Variants in LARGE1 observed in about 807,000 individuals in gnomAD.
LARGE1 encodes the protein LARGE xylosyl- and glucuronyltransferase 1, also known as xylosyl- and glucuronyltransferase LARGE1.
A neutral mutation model predicts 87.6 loss-of-function variants in LARGE1; 43 were observed. That is an observed-to-expected ratio of 0.49 (90% CI 0.38 to 0.63). LARGE1 has a LOEUF of 0.63. Among genes scored for constraint, LARGE1 ranks in the 30% least tolerant of loss-of-function variants. The pLI, the probability that LARGE1 is intolerant of heterozygous loss-of-function variation, is 0.00. For missense variants in LARGE1, 802 were observed against 1,000.2 expected, an observed-to-expected ratio of 0.80 and a Z score of 2.67; for synonymous variants, 434 against 394.6, an observed-to-expected ratio of 1.10 and a Z score of -1.18.
rs541120289 is a variant in LARGE1 at position 33,191,009 on chromosome 22, T to C, written c.1731-24177A>G. On this transcript the variant is annotated intron_variant, in intron 11 of 11. Transcript: ENST00000608642. Reference sequence around the variant, plus strand: ...CCTTAGCATTATGAATTGTAATTTTTCTTTTTAAACACCTGTTTCCTTGAC... The same window carrying C: ...CCTTAGCATTATGAATTGTAATTTTCCTTTTTAAACACCTGTTTCCTTGAC... 2.0e-5 allele frequency among the ~76,000 whole-genome samples: 3 copies of C among 152,348 alleles called. No homozygotes were observed. In the South Asian group the frequency reaches 6.2e-4, roughly 32 times the overall value.
At chr22:33,602,702 G>A (rs2148970802) in intron 5 of LARGE1, among the ~76,000 whole-genome samples, 1 of 151,744 alleles carries the variant, frequency 6.6e-6, no homozygotes, top group African/African-American at 2.4e-5. Context: ...GTAGAGGTGG[G>A]GGTCTCACTA....
At chr22:33,125,325 A>G in the LARGE1 span, among the ~76,000 whole-genome samples, 1 of 152,206 alleles carries the variant, frequency 6.6e-6, no homozygotes, top group African/African-American at 2.4e-5. Flanking sequence ...GGTGCTGGGT[A>G]CACATATGTG....
intron 3 of LARGE1, among the ~76,000 whole-genome samples, chr22:33,635,588 A>T (rs1422229070): frequency 6.6e-6 from 1 of 152,118 alleles, no homozygotes; most frequent in African/African-American, 2.4e-5. Flanking sequence ...CCTAACATCC[A>T]GGTTTTTCCC....
the LARGE1 span, chr22:33,116,254 C>T: frequency 6.6e-6 from 1 of 152,224 alleles, no homozygotes. Context: ...TCCTAACCCT[C>T]CATCCTTAAC....
intron 2 of LARGE1, among the ~76,000 whole-genome samples, chr22:33,687,300 C>T (rs2081974143): frequency 6.6e-6 from 1 of 151,856 alleles, no homozygotes. Flanking sequence ...TGGCCTCAAG[C>T]TGACCTCTTC....
intron 1 of LARGE1, among the ~76,000 whole-genome samples, chr22:33,770,860 C>G (rs1002252387): frequency 6.6e-6 from 1 of 152,146 alleles, no homozygotes; most frequent in Admixed American, 6.5e-5. Context: ...TCCTCCCATT[C>G]TTGATAACTG....
At chr22:33,893,856 A>C (rs1291758256) in intron 1 of LARGE1, among the ~76,000 whole-genome samples, 1 of 152,232 alleles carries the variant, frequency 6.6e-6, no homozygotes, top group East Asian at 1.9e-4. Flanking sequence ...CAGTCCATGC[A>C]GGCCTATTAT....
chr22:33,764,649 T>G (rs943070387), intron 1 of LARGE1, among the ~76,000 whole-genome samples: 9 of 152,062 alleles, frequency 5.9e-5, no homozygotes, highest in Non-Finnish European at 1.3e-4. Context: ...TCCCAGCTAC[T>G]TGGGAGTCTG....
At chr22:33,729,050 GTCA>G (rs2083372446) in intron 2 of LARGE1, among the ~76,000 whole-genome samples, 1 of 152,078 alleles carries the variant, frequency 6.6e-6, no homozygotes, top group Admixed American at 6.5e-5. Context: ...TTTATGTAGT[GTCA>G]TCATAAAATA....
In LARGE1 at chr22:33,914,253, G is replaced by A. The variant is rs145196376; in HGVS notation, c.-83+5742C>T. ...AGTCACTTTGCATTTTTCCTGACTT[G>A]TGTATCTACCCAATTGCTCTTCTAC... On this transcript the variant is annotated intron_variant, in intron 1 of 14. Transcript: ENST00000397394. Among the ~76,000 whole-genome samples the A allele has an allele frequency of 5.8e-3, 880 of 152,204 alleles. 5 individuals are homozygous for A. Among genetic ancestry groups the A allele is most frequent in the Non-Finnish European group, 9.0e-3 (611 of 68,012 alleles).
chr22:33,768,436 T>G (rs7292251), intron 1 of LARGE1, among the ~76,000 whole-genome samples: 1 of 147,464 alleles, frequency 6.8e-6, no homozygotes, highest in Non-Finnish European at 1.5e-5. Context: ...ACGCGCGCGC[T>G]CACACACACA....
chr22:33,130,524 C>T, the LARGE1 span, among the ~76,000 whole-genome samples: 3 of 151,836 alleles, frequency 2.0e-5, no homozygotes, highest in Non-Finnish European at 2.9e-5. Flanking sequence ...TCTAAGTCCA[C>T]TTGCTAAGAG....
chr22:33,253,395 G>C (rs570423743), intron 11 of LARGE1, among the ~76,000 whole-genome samples: 78 of 152,328 alleles, frequency 5.1e-4, no homozygotes, highest in Non-Finnish European at 9.4e-4. Flanking sequence ...CTCTGAGACT[G>C]TAAGTATGTT....
chr22:33,229,286 C>T (rs1438658284), intron 11 of LARGE1, among the ~76,000 whole-genome samples: 1 of 151,802 alleles, frequency 6.6e-6, no homozygotes, highest in Non-Finnish European at 1.5e-5. Context: ...TATAAACTAA[C>T]ATAATAAATT....
chr22:33,550,142 T>TACACACAC (rs5845093), intron 6 of LARGE1, among the ~76,000 whole-genome samples: 7,322 of 141,982 alleles, frequency 0.052, 246 homozygotes, highest in Non-Finnish European at 0.075. Flanking sequence ...ACTTAAAGTA[T>TACACACAC]ACACACACAC....
chr22:33,389,225 G>A (rs533943522), intron 7 of LARGE1, among the ~76,000 whole-genome samples: 40 of 152,354 alleles, frequency 2.6e-4, no homozygotes, highest in African/African-American at 8.2e-4. Context: ...CAGGACAGAC[G>A]CCTGAACACA....
chr22:33,697,833 T>C (rs955588741), intron 2 of LARGE1, among the ~76,000 whole-genome samples: 2 of 152,208 alleles, frequency 1.3e-5, no homozygotes, highest in Admixed American at 1.3e-4. Flanking sequence ...TCACCCTACA[T>C]GTGTGGTCAT....
At chr22:33,226,865 G>T (rs190626893) in intron 11 of LARGE1, among the ~76,000 whole-genome samples, 9,397 of 152,056 alleles carry the variant, frequency 0.062, 341 homozygotes, top group Middle Eastern at 0.088. Context: ...GAGTAGCTGG[G>T]ACTACAGGCG....
intron 7 of LARGE1, among the ~76,000 whole-genome samples, chr22:33,415,755 C>T (rs539689495): frequency 2.0e-5 from 3 of 152,188 alleles, no homozygotes; most frequent in Non-Finnish European, 2.9e-5. Flanking sequence ...GCTGCAGCCA[C>T]AGCCCTGAGA....
Sources: gnomAD v4.1 joint callset for allele counts (sites outside exome capture counted in the v4.1 genomes callset) on GRCh38, gnomAD v4.1.1 for gene constraint, MANE v1.5 for transcripts, NCBI Gene and HGNC (gene_info 2026-07-23, HGNC 2026-07-21) for gene names.